The following FAT3 variants were observed in gnomAD, a reference collection of about 807,000 sequenced individuals.
FAT3 encodes protocadherin Fat 3.
In FAT3, 95 loss-of-function variants were observed where a neutral mutation model predicts 310.2. That is an observed-to-expected ratio of 0.31 (90% CI 0.26 to 0.36). The LOEUF (loss-of-function observed/expected upper bound fraction) is 0.36. FAT3 is among the 10% of genes least tolerant of loss of function. The pLI is 1.00. For missense variants in FAT3, 5,408 were observed against 5,715.6 expected (o/e 0.95, Z 1.74); for synonymous variants, 2,314 against 2,192.9 (o/e 1.06, Z -1.54).
chr11:92,523,957 C>A (rs181090384), intron 2 of FAT3, among the ~76,000 whole-genome samples: 8 of 152,190 alleles, frequency 5.3e-5, no homozygotes, highest in Non-Finnish European at 1.0e-4. Flanking sequence ...CAAAGTGGCT[C>A]AGAGTTTATT....
At chr11:92,664,757 A>G (rs2135804570) in intron 3 of FAT3, among the ~76,000 whole-genome samples, 1 of 152,362 alleles carries the variant, frequency 6.6e-6, no homozygotes, top group East Asian at 1.9e-4. Flanking sequence ...GATCCTTTAG[A>G]AAAACATCTT....
chr11:92,750,477 A>T (rs564340240), intron 4 of FAT3, among the ~76,000 whole-genome samples: 1 of 152,348 alleles, frequency 6.6e-6, no homozygotes, highest in South Asian at 2.1e-4. Flanking sequence ...GAATGTTCTG[A>T]TGAGCTGAGC....
At chr11:92,263,913 A>G (rs1033472385) in intron 1 of FAT3, among the ~76,000 whole-genome samples, 1 of 152,072 alleles carries the variant, frequency 6.6e-6, no homozygotes, top group African/African-American at 2.4e-5. Flanking sequence ...ATACTGAACA[A>G]CTACTGGGTT....
chr11:92,244,196 A>G (rs909660456), intron 1 of FAT3, among the ~76,000 whole-genome samples: 9 of 151,942 alleles, frequency 5.9e-5, no homozygotes, highest in African/African-American at 2.2e-4. Context: ...AGATTATCAT[A>G]TTTTCTTTTA....
chr11:92,570,274 A>C (rs2135501140), intron 3 of FAT3, among the ~76,000 whole-genome samples: 1 of 152,292 alleles, frequency 6.6e-6, no homozygotes, highest in South Asian at 2.1e-4. Flanking sequence ...CTAGACTGTG[A>C]GATTCTTGAA....
At chr11:92,720,561 G>A (rs751650323) in intron 4 of FAT3, among the ~76,000 whole-genome samples, 1 of 152,148 alleles carries the variant, frequency 6.6e-6, no homozygotes, top group South Asian at 2.1e-4. Context: ...TTAGCATTTG[G>A]TGAAGGACTT....
chr11:92,564,098 G>T lies in FAT3; in HGVS notation c.3607+39150G>T, dbSNP rs549970128. 1.3e-3 allele frequency among the ~76,000 whole-genome samples: 194 copies of T among 152,164 alleles called. 5 individuals carry two copies. Among genetic ancestry groups the T allele is most frequent in the Non-Finnish European group, 5.3e-4 (36 of 68,042 alleles). ...TTAAAAGACACAGACTGGCAAGTTG[G>T]ATAAAGAGTCAAGACCCATCAGTGT... On this transcript the variant is annotated intron_variant, in intron 3 of 27. Transcript: ENST00000525166.
At chr11:92,879,702 G>A (rs1045944085) in intron 22 of FAT3, among the ~76,000 whole-genome samples, 1 of 152,078 alleles carries the variant, frequency 6.6e-6, no homozygotes, top group Admixed American at 6.5e-5. Context: ...GTGTTCCTAT[G>A]TGGTGAGGCT....
intron 2 of FAT3, chr11:92,400,790 G>A (rs1758113814): frequency 6.6e-6 from 1 of 151,734 alleles, no homozygotes; most frequent in Non-Finnish European, 1.5e-5. Flanking sequence ...GCAAATGAGA[G>A]GAAGCACAGA....
Position 92,352,754 on chromosome 11 carries a change from C to T in FAT3, c.642C>T (p.Ser214=), listed in dbSNP as rs920769373. 1.2e-6 allele frequency: 2 copies of T among 1,613,660 alleles called. No individual in the cohort carries two copies. Among genetic ancestry groups the T allele is most frequent in the Non-Finnish European group, 1.7e-6 (2 of 1,179,892 alleles). ...TTCACCCCACGAGTGGTGTCATCTC[C>T]TTAAGTGGTCGATTAAATTATGATG... The part of the protein sequence containing the change: ...FSVHPTSGVI[S]LSGRLNYDEK... The change falls in exon 2 of 28, where the codon TCC becomes TCT. Residue 214 remains serine, a synonymous_variant. Transcript: ENST00000525166.
At chr11:92,281,601 G>T (rs1380600629) in intron 1 of FAT3, among the ~76,000 whole-genome samples, 1 of 152,014 alleles carries the variant, frequency 6.6e-6, no homozygotes, top group African/African-American at 2.4e-5. Flanking sequence ...TATTCTTAAG[G>T]GCAGGCATGA....
At chr11:92,564,472 G>C (rs10830927) in intron 3 of FAT3, among the ~76,000 whole-genome samples, 57,438 of 148,984 alleles carry the variant, frequency 0.39, 11,694 homozygotes, top group Middle Eastern at 0.52. Context: ...ACATTAGACA[G>C]ATCAACGAGA....
chr11:92,352,285 C>G lies in FAT3; in HGVS notation c.173C>G (p.Ala58Gly), dbSNP rs1294089283. ...GCTACCGTGTATGAGAACTCAGCAG[C>G]AAGGACCTACGTCAACAGCCAGAGT... is the stretch of plus-strand genomic sequence containing the variant. ...YNATVYENSA[A>G]RTYVNSQSRM... is the part of the protein sequence containing the mutation. The change falls in exon 2 of 28, where the codon GCA becomes GGA. Residue 58 changes from alanine (A) to glycine (G), a missense_variant. By Grantham distance (60) the Ala-to-Gly change is moderately conservative. Coordinates refer to ENST00000525166, the MANE Select transcript of FAT3 (RefSeq NM_001367949.2). 3 of 1,478,836 alleles carry G rather than the reference C, an allele frequency of 2.0e-6. No individual in the cohort carries two copies. Among genetic ancestry groups the G allele is most frequent in the South Asian group, 1.1e-5 (1 of 89,066 alleles). The allele number at this position is 1,478,836 out of a possible 1,614,324, so 91.6% of individuals were successfully genotyped here. A position where few individuals can be genotyped will look rare whatever the true frequency, so the allele number is the denominator to read the frequency against.
Position 92,892,410 on chromosome 11 carries a change from T to C in FAT3, c.*1297T>C, listed in dbSNP as rs1387633567. 7.9e-6 allele frequency: 1 copy of C among 127,320 alleles called. No homozygotes were observed. The highest frequency in any genetic ancestry group is 2.7e-5 in the African/African-American group (1 of 36,714). 7.9% of individuals were successfully genotyped at this position (127,320 alleles called of 1,614,324 possible). A position where few individuals can be genotyped will look rare whatever the true frequency, so the allele number is the denominator to read the frequency against. ...TGGTACTGCCAATAAAGCAAAATTGTGCTTTTTTTTTTTTTTCTCAAGACA... is the reference window on the plus strand; with the variant it reads ...TGGTACTGCCAATAAAGCAAAATTGCGCTTTTTTTTTTTTTTCTCAAGACA... On this transcript the variant is annotated 3_prime_UTR_variant, in exon 28 of 28. Transcript: ENST00000525166.
intron 2 of FAT3, among the ~76,000 whole-genome samples, chr11:92,443,127 A>G (rs575374740): frequency 4.6e-5 from 7 of 152,330 alleles, no homozygotes; most frequent in Non-Finnish European, 1.0e-4. Flanking sequence ...ATACTTTTGC[A>G]TGAGTTTGTG....
chr11:92,258,582 T>C (rs1354090964), intron 1 of FAT3, among the ~76,000 whole-genome samples: 1 of 151,884 alleles, frequency 6.6e-6, no homozygotes, highest in East Asian at 2.0e-4. Context: ...GTGTGGAGGA[T>C]GGTAGTTGGA....
At chr11:92,626,917 G>C (rs1941362265) in intron 3 of FAT3, among the ~76,000 whole-genome samples, 1 of 152,130 alleles carries the variant, frequency 6.6e-6, no homozygotes, top group African/African-American at 2.4e-5. Flanking sequence ...CCCAGTAAGA[G>C]CCATTTGATA....
At chr11:92,588,997 G>A (rs1236864937) in intron 3 of FAT3, among the ~76,000 whole-genome samples, 1 of 152,102 alleles carries the variant, frequency 6.6e-6, no homozygotes, top group Non-Finnish European at 1.5e-5. Flanking sequence ...TGATAGGTCT[G>A]AGGTGAGAGT....
At chr11:92,715,280 A>T (rs908557844) in intron 4 of FAT3, among the ~76,000 whole-genome samples, 5 of 150,608 alleles carry the variant, frequency 3.3e-5, no homozygotes, top group Non-Finnish European at 3.0e-5. Context: ...TGGTGGCAGG[A>T]GCCTGTAGTC....
Sources: allele counts gnomAD v4.1 joint callset (sites outside exome capture counted in the v4.1 genomes callset), GRCh38; gene constraint gnomAD v4.1.1; transcripts MANE v1.5; gene names NCBI Gene and HGNC (gene_info 2026-07-23, HGNC 2026-07-21).